OPCML: variants seen among roughly 807,000 people sequenced by gnomAD.
The protein encoded by OPCML is opioid-binding protein/cell adhesion molecule.
Under a neutral mutation model 37.8 loss-of-function variants are expected in OPCML, and 13 were observed. The observed-to-expected ratio is 0.34, with a 90% CI of 0.22 to 0.55. OPCML has a LOEUF of 0.55. Ranked by LOEUF, OPCML falls within the 20% of genes least tolerant of loss-of-function variation. OPCML has a pLI of 0.91. For missense variants in OPCML, 341 were observed against 435.6 expected (o/e 0.78, Z 1.93); for synonymous variants, 176 against 168.8 (o/e 1.04, Z -0.33).
intron 2 of OPCML, among the ~76,000 whole-genome samples, chr11:132,809,817 C>T (rs970283886): frequency 6.6e-6 from 1 of 151,772 alleles, no homozygotes; most frequent in Non-Finnish European, 1.5e-5. Flanking sequence ...GTTTCTCTCC[C>T]TCCATCTTCT....
chr11:132,954,366 C>T (rs11223293), intron 1 of OPCML, among the ~76,000 whole-genome samples: 247 of 151,754 alleles, frequency 1.6e-3, no homozygotes, highest in African/African-American at 5.8e-3. Flanking sequence ...AAAATTAGAT[C>T]GGGTTCTTGG....
At chr11:132,842,975 A>G (rs1382817273) in intron 2 of OPCML, among the ~76,000 whole-genome samples, 5 of 152,216 alleles carry the variant, frequency 3.3e-5, no homozygotes, top group African/African-American at 7.2e-5. Context: ...GGTAGCTTTT[A>G]GAAATTTGTG....
chr11:133,501,809 C>T (rs990854711), intron 1 of OPCML, among the ~76,000 whole-genome samples: 1 of 152,126 alleles, frequency 6.6e-6, no homozygotes, highest in Admixed American at 6.5e-5. Context: ...GCACTCCAGG[C>T]CTCTGAGCAG....
chr11:132,422,616 A>G (rs1490107914), intron 7 of OPCML, among the ~76,000 whole-genome samples: 1 of 152,262 alleles, frequency 6.6e-6, no homozygotes, highest in African/African-American at 2.4e-5. Flanking sequence ...TGCTAAACAT[A>G]TAATCAGTCA....
intron 1 of OPCML, among the ~76,000 whole-genome samples, chr11:133,381,048 G>A (rs1379389470): frequency 2.6e-5 from 4 of 152,248 alleles, no homozygotes; most frequent in African/African-American, 7.2e-5. Context: ...CACCCAGAGT[G>A]TGGAGGTAAG....
chr11:132,657,370 G>A (rs1941761034), intron 2 of OPCML, 51 bp from the exon 3 acceptor site: 1 of 1,594,902 alleles, frequency 6.3e-7, no homozygotes, highest in Admixed American at 1.7e-5. Flanking sequence ...AAGAGAGAGA[G>A]TGGAGAGATT....
Position 132,925,859 on chromosome 11 carries a change from C to T in OPCML, c.146+17067G>A, listed in dbSNP as rs11223282. The stretch of plus-strand genomic sequence containing the variant: ...GCCCCCAAGCTCCTTACATGTCAGA[C>T]CAGAAGGTAGAAGTCTCTGTCCATG... On this transcript the variant is annotated intron_variant, in intron 2 of 7. Coordinates refer to ENST00000524381, the MANE Select transcript of OPCML (RefSeq NM_001012393.5). Among the ~76,000 whole-genome samples the T allele has an allele frequency of 4.4e-4, 67 of 152,108 alleles. 2 individuals are homozygous for T. In the South Asian group the frequency reaches 0.014, roughly 31 times the overall value.
At chr11:132,555,302 A>G (rs918714195) in intron 3 of OPCML, among the ~76,000 whole-genome samples, 3 of 152,134 alleles carry the variant, frequency 2.0e-5, no homozygotes, top group African/African-American at 7.2e-5. Flanking sequence ...CAATCATGGC[A>G]GTAGGAAAAG....
At position 132,556,439 on chromosome 11, in the gene OPCML, C is replaced by T. The variant is rs142231104; in HGVS notation, c.380-27253G>A. Among the ~76,000 whole-genome samples, 508 of 152,178 alleles carry T rather than the reference C, an allele frequency of 3.3e-3. 4 individuals are homozygous for T. The highest frequency in any genetic ancestry group is 0.012 in the African/African-American group (480 of 41,508). ...CATAAAATTTTAGAGCTACAAGAGACGTTAGAATTTGCCTCATGACACAAC... is the reference window on the plus strand; with the variant it reads ...CATAAAATTTTAGAGCTACAAGAGATGTTAGAATTTGCCTCATGACACAAC... On this transcript the variant is annotated intron_variant, in intron 3 of 7. Transcript: ENST00000524381.
rs1465427696 is a variant in OPCML, at chr11:132,998,509, C to T, written c.62-55499G>A. On this transcript the variant is annotated intron_variant, in intron 1 of 7. Coordinates refer to ENST00000524381, the MANE Select transcript of OPCML (RefSeq NM_001012393.5). ...CTTCTTTAGGGCCTCCCATCTTTGT[C>T]AGTTTTCATAGATGTTCATAACCAA... is the stretch of plus-strand genomic sequence containing the variant. Among the ~76,000 whole-genome samples the T allele has an allele frequency of 1.3e-5, 2 of 152,136 alleles. 1 individual carries two copies. Among genetic ancestry groups the T allele is most frequent in the Admixed American group, 1.3e-4 (2 of 15,272 alleles).
chr11:133,107,454 A>G (rs1160760414), intron 1 of OPCML, among the ~76,000 whole-genome samples: 2 of 152,320 alleles, frequency 1.3e-5, no homozygotes, highest in Middle Eastern at 3.4e-3. Flanking sequence ...AGCTCCTGAT[A>G]CAAGCTGTAA....
At chr11:133,489,305 TA>T (rs542297281) in intron 1 of OPCML, among the ~76,000 whole-genome samples, 3,509 of 145,078 alleles carry the variant, frequency 0.024, 133 homozygotes, top group African/African-American at 0.082. Context: ...AAGAACGGTT[TA>T]AAAAAAAAAA....
At position 132,560,396 on chromosome 11, in the gene OPCML, T is replaced by C. The variant is rs764180036; in HGVS notation, c.380-31210A>G. The stretch of plus-strand genomic sequence containing the variant: ...CAATATGTTTTTGGGTAACAGGTGA[T>C]GTTTGGTTATATGAACAAGTTCTTT... On this transcript the variant is annotated intron_variant, in intron 3 of 7. Transcript: ENST00000524381. Among the ~76,000 whole-genome samples, 4 of 152,216 alleles carry C rather than the reference T, an allele frequency of 2.6e-5. No individual in the cohort carries two copies. In the East Asian group the frequency reaches 7.7e-4, roughly 29 times the overall value.
intron 1 of OPCML, among the ~76,000 whole-genome samples, chr11:133,404,159 A>T (rs1416567616): frequency 6.6e-6 from 1 of 152,172 alleles, no homozygotes; most frequent in South Asian, 2.1e-4. Context: ...CCCTCCCTGT[A>T]TTGGCTGTGT....
At position 132,852,572 on chromosome 11, in the gene OPCML, G is replaced by A. The variant is rs527481244; in HGVS notation, c.146+90354C>T. ...GCAGTGGCACCAAACTGTATCTGTC[G>A]GCACCGCGTGCTTCCCCACCACGCC... On this transcript the variant is annotated intron_variant, in intron 2 of 7. Transcript: ENST00000524381. 9.9e-5 allele frequency among the ~76,000 whole-genome samples: 15 copies of A among 151,830 alleles called. No homozygotes were observed. The South Asian group carries it at 2.7e-3, about 27-fold the overall frequency.
intron 1 of OPCML, among the ~76,000 whole-genome samples, chr11:133,404,216 C>T (rs1945476316): frequency 6.6e-6 from 1 of 152,230 alleles, no homozygotes; most frequent in South Asian, 2.1e-4. Context: ...ACATTTCCCT[C>T]TTCATGTAAG....
chr11:133,486,663 A>C (rs962486601), intron 1 of OPCML, among the ~76,000 whole-genome samples: 1 of 151,838 alleles, frequency 6.6e-6, no homozygotes, highest in Non-Finnish European at 1.5e-5. Flanking sequence ...ATGATTCTCA[A>C]ATATCTACAC....
At chr11:132,513,368 C>A (rs781630506) in intron 4 of OPCML, among the ~76,000 whole-genome samples, 5 of 152,062 alleles carry the variant, frequency 3.3e-5, no homozygotes, top group Non-Finnish European at 5.9e-5. Flanking sequence ...TTATGGAAAA[C>A]ATTTGTCCTT....
At chr11:133,176,073 G>A (rs996592798) in intron 1 of OPCML, among the ~76,000 whole-genome samples, 1 of 152,146 alleles carries the variant, frequency 6.6e-6, no homozygotes. Context: ...TGGCCTCCAA[G>A]TTCATACTTT....
Sources: allele counts gnomAD v4.1 joint callset (sites outside exome capture counted in the v4.1 genomes callset), GRCh38; gene constraint gnomAD v4.1.1; transcripts MANE v1.5; gene names NCBI Gene and HGNC (gene_info 2026-07-23, HGNC 2026-07-21).